DTWD2: variants seen among roughly 807,000 people sequenced by gnomAD.
The protein encoded by DTWD2 is DTW motif tRNA-uridine aminocarboxypropyltransferase 2.
In DTWD2, 39 loss-of-function variants were observed where a neutral mutation model predicts 31.8. The ratio of observed to expected loss-of-function variants is 1.22; its 90% CI spans 0.95 to 1.60. The LOEUF is 1.60. Ranked by LOEUF, DTWD2 falls within the 40% of genes most tolerant of loss-of-function variation. The pLI is 0.00. For missense variants in DTWD2, 515 were observed against 381.5 expected (o/e 1.35, Z -2.92); for synonymous variants, 180 against 142.8 (o/e 1.26, Z -1.86).
At chr5:118,843,286 GAAGGAAGGGA>G (rs1238736624) in intron 5 of DTWD2, among the ~76,000 whole-genome samples, 2 of 151,412 alleles carry the variant, frequency 1.3e-5, no homozygotes, top group African/African-American at 2.4e-5. Flanking sequence ...GAAAGAAAAG[GAAGGAAGGGA>G]AAGGAAGGGA....
rs77054799 is a variant in DTWD2, at chr5:118,840,667, G to C, written c.*250C>G. 0.023 allele frequency: 6,137 copies of C among 271,166 alleles called. 95 individuals carry two copies. Among genetic ancestry groups the C allele is most frequent in the Non-Finnish European group, 0.025 (3,666 of 147,982 alleles). 16.8% of individuals were successfully genotyped at this position (271,166 alleles called of 1,614,324 possible). A position where few individuals can be genotyped will look rare whatever the true frequency, so the allele number is the denominator to read the frequency against. On this transcript the variant is annotated 3_prime_UTR_variant, in exon 6 of 6. Coordinates refer to ENST00000510708, the MANE Select transcript of DTWD2 (RefSeq NM_173666.4). ...ACAACAAATCATATTTTAAATTTGG[G>C]TTTGAAAACATGTATTAGAGGCACA...
chr5:118,898,732 C>T (rs374569105), intron 4 of DTWD2, among the ~76,000 whole-genome samples: 16 of 150,304 alleles, frequency 1.1e-4, no homozygotes, highest in Admixed American at 5.3e-4. Context: ...AAAACAGTTA[C>T]GAAAATCTAC....
At chr5:118,848,313 G>T in intron 4 of DTWD2, 95 bp from the exon 5 acceptor site, 1 of 1,164,514 alleles carries the variant, frequency 8.6e-7, no homozygotes, top group South Asian at 1.9e-5. Context: ...TTCCAAAACT[G>T]CCAGCAGCTT....
chr5:118,924,768 G>A (rs1414077609), intron 4 of DTWD2, among the ~76,000 whole-genome samples: 1 of 152,164 alleles, frequency 6.6e-6, no homozygotes, highest in African/African-American at 2.4e-5. Context: ...CTGTGGTTGA[G>A]ACTACTGGCT....
At chr5:118,918,638 G>C (rs571098420) in intron 4 of DTWD2, among the ~76,000 whole-genome samples, 37 of 152,136 alleles carry the variant, frequency 2.4e-4, no homozygotes, top group African/African-American at 8.7e-4. Flanking sequence ...AATGCCAAGA[G>C]CCCAACTTTA....
chr5:118,914,041 T>C (rs1753519978), intron 4 of DTWD2, among the ~76,000 whole-genome samples: 1 of 152,206 alleles, frequency 6.6e-6, no homozygotes, highest in Non-Finnish European at 1.5e-5. Flanking sequence ...TTTATGATTT[T>C]GTCTCACTGA....
At chr5:118,977,151 A>C (rs928580635) in intron 1 of DTWD2, among the ~76,000 whole-genome samples, 1 of 152,258 alleles carries the variant, frequency 6.6e-6, no homozygotes, top group African/African-American at 2.4e-5. Flanking sequence ...TTCATGCTAA[A>C]ACTCTCAATA....
At chr5:118,875,637 G>A (rs1752604665) in intron 4 of DTWD2, among the ~76,000 whole-genome samples, 1 of 149,686 alleles carries the variant, frequency 6.7e-6, no homozygotes, top group Admixed American at 6.7e-5. Flanking sequence ...TTACATAATG[G>A]TAAAGGGTTC....
chr5:118,937,333 A>G (rs1376809722), intron 3 of DTWD2, among the ~76,000 whole-genome samples: 2 of 150,502 alleles, frequency 1.3e-5, no homozygotes, highest in Admixed American at 6.6e-5. Flanking sequence ...CAGTTAATGT[A>G]TTGTATACTT....
intron 4 of DTWD2, among the ~76,000 whole-genome samples, chr5:118,856,069 G>C (rs905885087): frequency 3.3e-5 from 5 of 152,068 alleles, no homozygotes; most frequent in Non-Finnish European, 7.4e-5. Flanking sequence ...ATACTCCAGA[G>C]AAAGAGAATC....
At chr5:118,899,909 C>T (rs890324585) in intron 4 of DTWD2, among the ~76,000 whole-genome samples, 4 of 149,076 alleles carry the variant, frequency 2.7e-5, no homozygotes, top group Non-Finnish European at 5.9e-5. Context: ...TCAAGCGATT[C>T]TCCTGCTTCA....
chr5:118,932,800 T>C (rs76746454), intron 3 of DTWD2, among the ~76,000 whole-genome samples: 1 of 152,180 alleles, frequency 6.6e-6, no homozygotes, highest in Non-Finnish European at 1.5e-5. Context: ...CTTGGAGTTC[T>C]AAACTCAAGA....
chr5:118,850,037 GA>G (rs1369483086), intron 4 of DTWD2, among the ~76,000 whole-genome samples: 1 of 149,640 alleles, frequency 6.7e-6, no homozygotes, highest in Non-Finnish European at 1.5e-5. Flanking sequence ...AAAAGAAAAT[GA>G]AAAAAAATAA....
At chr5:118,911,969 G>A (rs763328962) in intron 4 of DTWD2, among the ~76,000 whole-genome samples, 1 of 152,120 alleles carries the variant, frequency 6.6e-6, no homozygotes, top group African/African-American at 2.4e-5. Context: ...TAACCAACAC[G>A]TCACTCAGCT....
intron 4 of DTWD2, among the ~76,000 whole-genome samples, chr5:118,864,833 C>CT (rs1240641194): frequency 6.6e-6 from 1 of 152,032 alleles, no homozygotes; most frequent in Non-Finnish European, 1.5e-5. Flanking sequence ...CTGCACAGTG[C>CT]TATGTTACCA....
At chr5:118,857,725 AACT>A (rs1752170855) in intron 4 of DTWD2, among the ~76,000 whole-genome samples, 1 of 152,214 alleles carries the variant, frequency 6.6e-6, no homozygotes, top group African/African-American at 2.4e-5. Context: ...AGGAAACAGT[AACT>A]AGCAGATACA....
At position 118,976,455 on chromosome 5, in the gene DTWD2, A is replaced by C. The variant is rs186344528; in HGVS notation, c.218+11839T>G. 5.0e-3 allele frequency among the ~76,000 whole-genome samples: 758 copies of C among 151,982 alleles called. 11 individuals carry two copies. The highest frequency in any genetic ancestry group is 0.034 in the South Asian group (166 of 4,824). On this transcript the variant is annotated intron_variant, in intron 1 of 5. Coordinates refer to ENST00000510708, the MANE Select transcript of DTWD2 (RefSeq NM_173666.4). ...GATAGACTGCTAGCCAGACTAATAA[A>C]GAAGAAAAAAGAGAAGAATCAAATA...
intron 1 of DTWD2, chr5:118,974,008 G>C: frequency 6.2e-7 from 1 of 1,600,556 alleles, no homozygotes; most frequent in Non-Finnish European, 8.5e-7. Flanking sequence ...GTGATGGTGA[G>C]GAAGAGGATG....
chr5:118,918,962 G>C (rs542389918), intron 4 of DTWD2, among the ~76,000 whole-genome samples: 8 of 152,220 alleles, frequency 5.3e-5, no homozygotes, highest in African/African-American at 1.7e-4. Context: ...TTTAAATAGG[G>C]CCCCTTCCTG....
Sources: allele counts gnomAD v4.1 joint callset (sites outside exome capture counted in the v4.1 genomes callset), GRCh38; gene constraint gnomAD v4.1.1; transcripts MANE v1.5; gene names NCBI Gene and HGNC (gene_info 2026-07-23, HGNC 2026-07-21).